The following HECTD4 variants were observed in gnomAD, a reference collection of about 807,000 sequenced individuals.
HECTD4 encodes probable E3 ubiquitin-protein ligase HECTD4.
In HECTD4, 114 loss-of-function variants were observed where a neutral mutation model predicts 471.5. That is an observed-to-expected ratio of 0.24 (90% CI 0.21 to 0.28). The LOEUF (loss-of-function observed/expected upper bound fraction) is 0.28. Ranked by LOEUF, HECTD4 falls within the 10% of genes least tolerant of loss-of-function variation. The pLI, the probability that HECTD4 is intolerant of heterozygous loss-of-function variation, is 1.00. For synonymous variants in HECTD4, 2,012 were observed against 2,256.0 expected (o/e 0.89, Z 3.07); for missense variants, 3,866 against 5,651.5 (o/e 0.68, Z 10.13).
chr12:112,232,971 T>C, intron 38 of HECTD4, 33 bp downstream of exon 38: 5 of 1,528,382 alleles, frequency 3.3e-6, no homozygotes, highest in Non-Finnish European at 4.5e-6. Context: ...CTCTACAATT[T>C]CGGGTTTCAT....
At chr12:112,219,884 G>A (rs1298418804) in intron 44 of HECTD4, among the ~76,000 whole-genome samples, 1 of 152,152 alleles carries the variant, frequency 6.6e-6, no homozygotes, top group East Asian at 1.9e-4. Flanking sequence ...ACAGGCTTGA[G>A]CCACCGCGCC....
At chr12:112,219,684 C>T (rs895017165) in intron 44 of HECTD4, 195 bp from the exon 45 acceptor site, 55 of 401,014 alleles carry the variant, frequency 1.4e-4, no homozygotes, top group Non-Finnish European at 3.6e-5. Flanking sequence ...ACTGCAACCT[C>T]TGCCTCCTGG....
At position 112,242,969 on chromosome 12, in the gene HECTD4, T is replaced by C. The variant is rs190343769; in HGVS notation, c.4958+384A>G. On this transcript the variant is annotated intron_variant, in intron 32 of 75. Transcript: ENST00000682272. ...ATGTGCTGATATGAAAACACAGATATCTGAGATATCTAAGACATACTGAGC... is the reference window on the plus strand; with the variant it reads ...ATGTGCTGATATGAAAACACAGATACCTGAGATATCTAAGACATACTGAGC... 3.9e-5 allele frequency among the ~76,000 whole-genome samples: 6 copies of C among 152,216 alleles called. No homozygotes were observed. In the East Asian group the frequency reaches 1.2e-3, roughly 29 times the overall value.
At chr12:112,192,907 T>C (rs934278525) in intron 58 of HECTD4, 142 bp from the exon 59 acceptor site, 2 of 1,209,124 alleles carry the variant, frequency 1.7e-6, no homozygotes, top group African/African-American at 3.0e-5. Context: ...TCATTCTTTA[T>C]AGACTAATTC....
In HECTD4 at chr12:112,164,930, C is replaced by CT. The variant is rs763630508; in HGVS notation, c.12535-656dup. ...AGCCACTGCACCCAGACCGCTTTTT[C>CT]TTTTTTTTTTTTTTGAGACAGATTC... On this transcript the variant is annotated intron_variant, in intron 72 of 75. Coordinates refer to ENST00000682272, the MANE Select transcript of HECTD4 (RefSeq NM_001388303.1). Among the ~76,000 whole-genome samples the CT allele has an allele frequency of 1.8e-3, 223 of 127,306 alleles. 4 individuals are homozygous for CT. Among genetic ancestry groups the CT allele is most frequent in the South Asian group, 7.4e-3 (29 of 3,916 alleles). The allele number at this position is 127,306 out of a possible 152,430, so 83.5% of individuals were successfully genotyped here. A position where few individuals can be genotyped will look rare whatever the true frequency, so the allele number is the denominator to read the frequency against.
intron 67 of HECTD4, 45 bp downstream of exon 67, chr12:112,172,626 C>A (rs1213565088): frequency 6.3e-7 from 1 of 1,586,248 alleles, no homozygotes; most frequent in Admixed American, 1.7e-5. Context: ...ATGGGGCATG[C>A]CCGCATCAGG....
intron 3 of HECTD4, among the ~76,000 whole-genome samples, chr12:112,313,791 A>C (rs1436419440): frequency 6.6e-6 from 1 of 152,100 alleles, no homozygotes; most frequent in African/African-American, 2.4e-5. Context: ...GCCCTGCTAC[A>C]ATATTTTTAA....
intron 68 of HECTD4, 76 bp downstream of exon 68, chr12:112,171,037 GCTGC>G (rs1566059211): frequency 7.9e-7 from 1 of 1,268,408 alleles, no homozygotes; most frequent in Non-Finnish European, 1.1e-6. Flanking sequence ...GCCCAAGGAC[GCTGC>G]CCGTGGATTC....
intron 37 of HECTD4, among the ~76,000 whole-genome samples, chr12:112,233,364 A>T (rs2033429588): frequency 6.6e-6 from 1 of 151,710 alleles, no homozygotes; most frequent in Admixed American, 6.6e-5. Flanking sequence ...CTGGGACCAC[A>T]GGTTCATGCC....
rs1566074738 is a variant in HECTD4 at position 112,213,809 on chromosome 12, C to A, written c.7466-1159G>T. ...GGCCAAGGTGGGAAGATTGCTTGAGCCCAGGAGTTCAAGACCAGCCTAGGC... is the reference window on the plus strand; with the variant it reads ...GGCCAAGGTGGGAAGATTGCTTGAGACCAGGAGTTCAAGACCAGCCTAGGC... On this transcript the variant is annotated intron_variant, in intron 48 of 75. Coordinates refer to ENST00000682272, the MANE Select transcript of HECTD4 (RefSeq NM_001388303.1). This position sits in a 1 kb window ranked among gnomAD's most constrained non-coding sequence, Gnocchi z 4.0. 6.6e-6 allele frequency among the ~76,000 whole-genome samples: 1 copy of A among 150,974 alleles called. No homozygotes were observed.
At chr12:112,354,985 AT>A (rs1230962216) in intron 1 of HECTD4, among the ~76,000 whole-genome samples, 95 of 145,284 alleles carry the variant, frequency 6.5e-4, no homozygotes, top group Non-Finnish European at 5.6e-4. Flanking sequence ...TGGGATTTTA[AT>A]TTTTTTTTTT....
intron 7 of HECTD4, among the ~76,000 whole-genome samples, chr12:112,297,966 T>C (rs926013513): frequency 3.3e-5 from 5 of 152,078 alleles, no homozygotes; most frequent in Non-Finnish European, 5.9e-5. Flanking sequence ...AGAAGTATCA[T>C]GGGGTGTCCA....
Position 112,308,780 on chromosome 12 carries a change from G to C in HECTD4, c.1137C>G (p.Phe379Leu), listed in dbSNP as rs2035319369. 6.5e-7 allele frequency: 1 copy of C among 1,535,974 alleles called. No individual in the cohort carries two copies. Among genetic ancestry groups the C allele is most frequent in the Admixed American group, 2.0e-5 (1 of 50,976 alleles). ...VSFDNKPHSL[F>L]QVIDQNTLQV... ...GAAGGGTGTTCTGGTCAATGACCTG[G>C]AAAAGGGAGTGAGGTTTATTATCGA... The change falls in exon 6 of 76, where the codon TTC becomes TTG. Residue 379 changes from phenylalanine to leucine, a missense_variant. Around this residue, in one of 16 missense-constraint regions of HECTD4, gnomAD observed 440 missense variants for 636.0 expected, o/e 0.69. Coordinates refer to ENST00000682272, the MANE Select transcript of HECTD4 (RefSeq NM_001388303.1).
At chr12:112,308,998 G>A in intron 5 of HECTD4, 107 bp from the exon 6 acceptor site, 1 of 1,141,400 alleles carries the variant, frequency 8.8e-7, no homozygotes, top group Non-Finnish European at 1.2e-6. Context: ...TAAAAAATGA[G>A]TAAGTATGTA....
chr12:112,296,073 G>A (rs1363079291), intron 7 of HECTD4, among the ~76,000 whole-genome samples: 1 of 152,202 alleles, frequency 6.6e-6, no homozygotes, highest in Non-Finnish European at 1.5e-5. Context: ...TACTTGGTGT[G>A]TGTGAGTAAC....
chr12:112,284,198 T>C (rs988226543), intron 7 of HECTD4, among the ~76,000 whole-genome samples: 5 of 152,290 alleles, frequency 3.3e-5, no homozygotes, highest in Non-Finnish European at 7.3e-5. Context: ...ATCATTAGTG[T>C]CTCCCTCTCT....
intron 60 of HECTD4, among the ~76,000 whole-genome samples, chr12:112,186,338 AT>A (rs2031862010): frequency 1.5e-5 from 2 of 129,622 alleles, no homozygotes; most frequent in Non-Finnish European, 3.3e-5. Context: ...TATTTTTTTA[AT>A]AATTTTTTTT....
intron 22 of HECTD4, among the ~76,000 whole-genome samples, chr12:112,253,189 A>G (rs1450441104): frequency 1.3e-5 from 2 of 151,700 alleles, no homozygotes; most frequent in African/African-American, 2.4e-5. Flanking sequence ...CAATGGCGCA[A>G]TCTTGACTCA....
intron 1 of HECTD4, among the ~76,000 whole-genome samples, chr12:112,365,072 C>G (rs950259474): frequency 6.6e-6 from 1 of 152,116 alleles, no homozygotes; most frequent in Non-Finnish European, 1.5e-5. Context: ...GTTTACTGAC[C>G]TCTATCTAAA....
Sources: gnomAD v4.1 joint callset for allele counts (sites outside exome capture counted in the v4.1 genomes callset) on GRCh38, gnomAD v4.1.1 for gene constraint, gnomAD v4.1.1 regional missense constraint, Gnocchi (gnomAD v3.1) non-coding constraint, MANE v1.5 for transcripts, NCBI Gene and HGNC (gene_info 2026-07-23, HGNC 2026-07-21) for gene names.